Variants in SYTL3 observed in about 807,000 individuals in gnomAD.
SYTL3 encodes the protein synaptotagmin-like protein 3.
Under a neutral mutation model 82.1 loss-of-function variants are expected in SYTL3, and 88 were observed. The ratio of observed to expected loss-of-function variants is 1.07; its 90% CI spans 0.90 to 1.28. The LOEUF is 1.28. Among genes scored for constraint, SYTL3 ranks in the 50% most tolerant of loss-of-function variants. The pLI, the probability that SYTL3 is intolerant of heterozygous loss-of-function variation, is 0.00. For missense variants in SYTL3, 831 were observed against 757.6 expected (o/e 1.10, Z -1.14); for synonymous variants, 311 against 289.4 (o/e 1.07, Z -0.76).
intron 2 of SYTL3, among the ~76,000 whole-genome samples, chr6:158,655,650 G>T (rs1479330796): frequency 3.3e-5 from 5 of 152,176 alleles, no homozygotes; most frequent in Admixed American, 6.5e-5. Context: ...ACTGTCAGCC[G>T]GCATTAGCTG....
intron 17 of SYTL3, 58 bp from the exon 18 acceptor site, chr6:158,764,435 TGA>T (rs1197993686): frequency 2.2e-5 from 28 of 1,267,198 alleles, no homozygotes; most frequent in Admixed American, 6.9e-5. Flanking sequence ...TTTAAAGGGA[TGA>T]GAGGGGATGA....
chr6:158,749,676 T>C (rs1310378163), intron 12 of SYTL3, among the ~76,000 whole-genome samples: 1 of 151,864 alleles, frequency 6.6e-6, no homozygotes, highest in Non-Finnish European at 1.5e-5. Flanking sequence ...TCAGTAGTGA[T>C]GAGGTCCCAC....
intron 5 of SYTL3, among the ~76,000 whole-genome samples, chr6:158,670,975 T>G (rs368505305): frequency 2.1e-4 from 32 of 151,870 alleles, no homozygotes; most frequent in African/African-American, 7.0e-4. Context: ...GCTAATTTTT[T>G]TTGTATTTTT....
intron 13 of SYTL3, 96 bp from the exon 14 acceptor site, chr6:158,757,115 G>T: frequency 9.0e-7 from 1 of 1,114,754 alleles, no homozygotes; most frequent in South Asian, 1.5e-5. Context: ...GCCAGGCCCC[G>T]GGAAGTGGGG....
chr6:158,707,084 C>A, intron 6 of SYTL3, 146 bp from the exon 7 acceptor site: 2 of 814,224 alleles, frequency 2.5e-6, no homozygotes, highest in Non-Finnish European at 3.9e-6. Flanking sequence ...AATTTTGGAA[C>A]ATTTCTATCA....
At chr6:158,673,082 C>T (rs1583185161) in intron 5 of SYTL3, among the ~76,000 whole-genome samples, 1 of 152,236 alleles carries the variant, frequency 6.6e-6, no homozygotes, top group Admixed American at 6.5e-5. Context: ...AAGTACGCAC[C>T]ACCACATCTG....
chr6:158,694,398 C>T (rs1203299112), intron 6 of SYTL3, among the ~76,000 whole-genome samples: 1 of 151,896 alleles, frequency 6.6e-6, no homozygotes, highest in African/African-American at 2.4e-5. Flanking sequence ...TAGGATCAAG[C>T]AATCCTCCCT....
chr6:158,670,005 A>T lies in SYTL3; in HGVS notation c.329+4392A>T, dbSNP rs538193529. On this transcript the variant is annotated intron_variant, in intron 5 of 17. Coordinates refer to ENST00000611299, the MANE Select transcript of SYTL3 (RefSeq NM_001242394.2). ...TCAGCATTTCAGATAAGGACTTAAG[A>T]TGTAAAGATATTGTTACAGGATGAT... Among the ~76,000 whole-genome samples the T allele has an allele frequency of 3.3e-5, 5 of 152,332 alleles. No homozygotes were observed. The East Asian group carries it at 9.6e-4, about 29-fold the overall frequency.
chr6:158,711,692 G>C (rs1782783108), intron 8 of SYTL3, among the ~76,000 whole-genome samples: 1 of 152,330 alleles, frequency 6.6e-6, no homozygotes, highest in Middle Eastern at 3.4e-3. Flanking sequence ...GAGGGCTGCT[G>C]GTTGCCCATT....
chr6:158,677,447 G>A (rs191159567), intron 5 of SYTL3, among the ~76,000 whole-genome samples: 2 of 152,188 alleles, frequency 1.3e-5, no homozygotes, highest in Admixed American at 1.3e-4. Flanking sequence ...TATACCTAAT[G>A]CTAAATGACA....
intron 9 of SYTL3, among the ~76,000 whole-genome samples, chr6:158,715,039 C>T (rs555152028): frequency 6.6e-6 from 1 of 152,206 alleles, no homozygotes; most frequent in African/African-American, 2.4e-5. Flanking sequence ...TTCCATCCTG[C>T]TGGGCTCTCT....
chr6:158,723,515 T>C (rs1784373292), intron 10 of SYTL3, among the ~76,000 whole-genome samples: 1 of 152,194 alleles, frequency 6.6e-6, no homozygotes, highest in Non-Finnish European at 1.5e-5. Context: ...GTACCTTTTT[T>C]TTTCCTCGAA....
intron 11 of SYTL3, 120 bp from the exon 12 acceptor site, chr6:158,745,360 C>G (rs182999150): frequency 1.8e-4 from 153 of 863,558 alleles, no homozygotes; most frequent in Non-Finnish European, 2.2e-4. Flanking sequence ...GCATTATTAA[C>G]TTGATGTGAG....
At chr6:158,713,314 TCTG>T (rs1394780843) in intron 8 of SYTL3, among the ~76,000 whole-genome samples, 1 of 152,136 alleles carries the variant, frequency 6.6e-6, no homozygotes, top group African/African-American at 2.4e-5. Flanking sequence ...TTTTTTTTCT[TCTG>T]CTTTGGGAAG....
rs554083000 is a variant in SYTL3 at position 158,723,550 on chromosome 6, T to C, written c.721-1953T>C. ...AATGTTTATTATAGTAAAATACACA[T>C]AAGACTTACCATCTGTGCCGTTTTA... On this transcript the variant is annotated intron_variant, in intron 10 of 17. Coordinates refer to ENST00000611299, the MANE Select transcript of SYTL3 (RefSeq NM_001242394.2). Among the ~76,000 whole-genome samples the C allele has an allele frequency of 4.6e-5, 7 of 152,250 alleles. No individual in the cohort carries two copies. In the South Asian group the frequency reaches 1.5e-3, roughly 32 times the overall value.
intron 11 of SYTL3, among the ~76,000 whole-genome samples, chr6:158,730,327 C>T (rs1785241887): frequency 6.6e-6 from 1 of 152,242 alleles, no homozygotes; most frequent in Admixed American, 6.5e-5. Flanking sequence ...TTCAGGTGTG[C>T]TGTCGTCATT....
At position 158,764,622 on chromosome 6, in the gene SYTL3, TC is replaced by T; in HGVS notation, c.*20del. On this transcript the variant is annotated 3_prime_UTR_variant, in exon 18 of 18. Transcript: ENST00000611299. ...TGCACTGACATGAAGGCCTCAAGGT[TC>T]CAGGTTGCAGCAGGCGTGAGGCACT... The T allele has an allele frequency of 6.3e-7, 1 of 1,590,992 alleles. No homozygotes were observed. Among genetic ancestry groups the T allele is most frequent in the Non-Finnish European group, 8.6e-7 (1 of 1,159,022 alleles).
chr6:158,652,514 G>T (rs1226792343), intron 2 of SYTL3, among the ~76,000 whole-genome samples: 2 of 151,896 alleles, frequency 1.3e-5, no homozygotes, highest in African/African-American at 4.8e-5. Flanking sequence ...CTCCCAAAGT[G>T]CTGGGATTAC....
At chr6:158,723,509 C>CT (rs888391938) in intron 10 of SYTL3, among the ~76,000 whole-genome samples, 8 of 151,538 alleles carry the variant, frequency 5.3e-5, no homozygotes, top group South Asian at 4.2e-4. Flanking sequence ...AACTTTGTAC[C>CT]TTTTTTTTTC....
Sources: allele counts gnomAD v4.1 joint callset (sites outside exome capture counted in the v4.1 genomes callset), GRCh38; gene constraint gnomAD v4.1.1; transcripts MANE v1.5; gene names NCBI Gene and HGNC (gene_info 2026-07-23, HGNC 2026-07-21).